The following BACE2 variants were observed in gnomAD, a reference collection of about 807,000 sequenced individuals.
The protein encoded by BACE2 is 56 kDa aspartic-like protease.
In BACE2, 17 loss-of-function variants were observed where a neutral mutation model predicts 46.2. The observed-to-expected ratio is 0.37, with a 90% CI of 0.25 to 0.55. BACE2 has a LOEUF of 0.55. Among genes scored for constraint, BACE2 ranks in the 20% least tolerant of loss-of-function variants. The pLI, the probability that BACE2 is intolerant of heterozygous loss-of-function variation, is 0.82. For synonymous variants in BACE2, 277 were observed against 295.9 expected, an observed-to-expected ratio of 0.94 and a Z score of 0.66; for missense variants, 595 against 698.1, an observed-to-expected ratio of 0.85 and a Z score of 1.66.
intron 1 of BACE2, among the ~76,000 whole-genome samples, chr21:41,221,902 CAG>C (rs1986667936): frequency 1.3e-5 from 2 of 151,320 alleles, no homozygotes; most frequent in South Asian, 4.2e-4. Context: ...GCACGGCAGA[CAG>C]AGCAGCAAAC....
chr21:41,267,210 C>G (rs926680044), intron 8 of BACE2, among the ~76,000 whole-genome samples: 6 of 152,114 alleles, frequency 3.9e-5, no homozygotes, highest in African/African-American at 1.4e-4. Context: ...CTTCCCCTGC[C>G]TCTCCTCAGC....
At chr21:41,178,946 G>A in intron 1 of BACE2, 1 of 453,706 alleles carries the variant, frequency 2.2e-6, no homozygotes. Flanking sequence ...CTTTATAAGG[G>A]CGGTTATGGA....
At chr21:41,261,326 G>A (rs1298334387) in intron 8 of BACE2, among the ~76,000 whole-genome samples, 1 of 152,152 alleles carries the variant, frequency 6.6e-6, no homozygotes, top group African/African-American at 2.4e-5. Context: ...ATGTGCAATA[G>A]TGTCACATTT....
chr21:41,173,969 A>T (rs993344919), intron 1 of BACE2, among the ~76,000 whole-genome samples: 2 of 151,806 alleles, frequency 1.3e-5, no homozygotes, highest in African/African-American at 4.8e-5. Flanking sequence ...GATATATTTA[A>T]TATGAAACAG....
chr21:41,188,607 G>A (rs1212913842), intron 1 of BACE2, among the ~76,000 whole-genome samples: 1 of 152,192 alleles, frequency 6.6e-6, no homozygotes, highest in African/African-American at 2.4e-5. Context: ...GAATGTCTAG[G>A]GCAGTCGAAA....
chr21:41,184,201 G>A (rs1293584885), intron 1 of BACE2: 1 of 166,950 alleles, frequency 6.0e-6, no homozygotes. Context: ...GGGGTGTCTG[G>A]GCCTGCATTA....
intron 1 of BACE2, among the ~76,000 whole-genome samples, chr21:41,173,840 G>T (rs1330970625): frequency 6.6e-6 from 1 of 152,158 alleles, no homozygotes; most frequent in Non-Finnish European, 1.5e-5. Flanking sequence ...ATGTGTACAA[G>T]ATTAGATCAA....
intron 1 of BACE2, among the ~76,000 whole-genome samples, chr21:41,211,172 C>G (rs1312632340): frequency 6.6e-6 from 1 of 151,852 alleles, no homozygotes; most frequent in African/African-American, 2.4e-5. Flanking sequence ...TCCCCCCTCC[C>G]CATCCCTCTC....
chr21:41,263,456 G>A (rs897805787), intron 8 of BACE2, among the ~76,000 whole-genome samples: 3 of 152,178 alleles, frequency 2.0e-5, no homozygotes, highest in Non-Finnish European at 4.4e-5. Context: ...AAGGAAAACA[G>A]ATGAACAATT....
chr21:41,198,925 G>A (rs1223649316), intron 1 of BACE2, among the ~76,000 whole-genome samples: 5 of 151,030 alleles, frequency 3.3e-5, no homozygotes, highest in Non-Finnish European at 5.9e-5. Flanking sequence ...ACAATGTGCA[G>A]GTTTGTTACA....
At chr21:41,180,733 T>C (rs2123497232) in intron 1 of BACE2, 1 of 167,284 alleles carries the variant, frequency 6.0e-6, no homozygotes, top group East Asian at 1.9e-4. Context: ...GCCCTGGTTA[T>C]ATCTATGTAA....
Position 41,276,690 on chromosome 21 carries a change from C to G in BACE2, c.*1066C>G, listed in dbSNP as rs1342584219. The stretch of plus-strand genomic sequence containing the variant: ...GAAACAGGGAAATGGCCTGATGCCC[C>G]TATTTCTGACCAGCTGTCAGGGAAG... On this transcript the variant is annotated 3_prime_UTR_variant, in exon 9 of 9. Coordinates refer to ENST00000330333, the MANE Select transcript of BACE2 (RefSeq NM_012105.5). 6.6e-6 allele frequency: 1 copy of G among 152,242 alleles called. No homozygotes were observed. The highest frequency in any genetic ancestry group is 1.5e-5 in the Non-Finnish European group (1 of 68,056). 9.4% of individuals were successfully genotyped at this position (152,242 alleles called of 1,614,324 possible).
intron 1 of BACE2, among the ~76,000 whole-genome samples, chr21:41,218,453 G>A (rs944503723): frequency 3.3e-5 from 5 of 152,148 alleles, no homozygotes; most frequent in South Asian, 4.1e-4. Flanking sequence ...GGTGGGGCCC[G>A]TGGGAGGCTG....
rs1987302701 is a variant in BACE2 at position 41,241,901 on chromosome 21, G to A, written c.701G>A (p.Gly234Glu). The A allele has an allele frequency of 4.3e-6, 7 of 1,614,070 alleles. No homozygotes were observed. The highest frequency in any genetic ancestry group is 5.9e-6 in the Non-Finnish European group (7 of 1,180,046). Reference protein sequence around the residue: ...IPNVFSMQMCGAGLPVAGSGT... With the variant: ...IPNVFSMQMCEAGLPVAGSGT... ...AACGTTTTCTCCATGCAGATGTGTG[G>A]AGCCGGCTTGCCCGTTGCTGGATCT... Residue 234 changes from glycine to glutamate, a missense_variant, in exon 4 of 9, where the codon GGA (glycine) becomes GAA (glutamate). By Grantham distance (98) the Gly-to-Glu change is moderately conservative. Transcript: ENST00000330333.
intron 1 of BACE2, among the ~76,000 whole-genome samples, chr21:41,185,602 C>T (rs767212454): frequency 1.5e-4 from 23 of 152,316 alleles, no homozygotes; most frequent in Non-Finnish European, 1.2e-4. Context: ...GACCAATATT[C>T]GCCTAGCGAA....
intron 7 of BACE2, among the ~76,000 whole-genome samples, chr21:41,254,343 G>A (rs1324459387): frequency 6.6e-6 from 1 of 152,016 alleles, no homozygotes; most frequent in Non-Finnish European, 1.5e-5. Context: ...CCTCCCTGCT[G>A]GTCTCCTCTC....
At chr21:41,202,826 T>C (rs1266286534) in intron 1 of BACE2, among the ~76,000 whole-genome samples, 1 of 152,124 alleles carries the variant, frequency 6.6e-6, no homozygotes, top group Admixed American at 6.5e-5. Context: ...ACATATGGAT[T>C]CCAGGCACCA....
rs1440444205 is a variant in BACE2, at chr21:41,220,335, G to T, written c.313-5931G>T. ...TGATTGATTAAGCCATTGGCCATTG[G>T]TGATCAGCTTAACCTTCAGCTCCTC... On this transcript the variant is annotated intron_variant, in intron 1 of 8. Transcript: ENST00000330333. Among the ~76,000 whole-genome samples, 45 of 152,184 alleles carry T rather than the reference G, an allele frequency of 3.0e-4. 1 individual carries two copies. Among genetic ancestry groups the T allele is most frequent in the Non-Finnish European group, 1.5e-5 (1 of 68,038 alleles).
Position 41,184,407 on chromosome 21 carries a change from C to T in BACE2, c.312+15832C>T, listed in dbSNP as rs57965115. Reference sequence around the variant, plus strand: ...GTGGCAATTTGAAGAACATAGTCAACGTAACAAACTCTTGTATAAGCTTTT... The same window carrying T: ...GTGGCAATTTGAAGAACATAGTCAATGTAACAAACTCTTGTATAAGCTTTT... On this transcript the variant is annotated intron_variant, in intron 1 of 8. Coordinates refer to ENST00000330333, the MANE Select transcript of BACE2 (RefSeq NM_012105.5). 2.1e-3 allele frequency: 354 copies of T among 167,176 alleles called. 1 individual carries two copies. The highest frequency in any genetic ancestry group is 7.7e-3 in the African/African-American group (320 of 41,550). The allele number at this position is 167,176 out of a possible 1,614,324, so 10.4% of individuals were successfully genotyped here.
Sources: allele counts gnomAD v4.1 joint callset (sites outside exome capture counted in the v4.1 genomes callset), GRCh38; gene constraint gnomAD v4.1.1; transcripts MANE v1.5; gene names NCBI Gene and HGNC (gene_info 2026-07-23, HGNC 2026-07-21).